Variants in RABGAP1 observed in about 807,000 individuals in gnomAD.
RABGAP1 encodes rab GTPase-activating protein 1.
RABGAP1 carries 23 observed loss-of-function variants against 137.6 expected under a neutral mutation model. That is an observed-to-expected ratio of 0.17 (90% confidence interval 0.12 to 0.24). The LOEUF (loss-of-function observed/expected upper bound fraction) is 0.24. Among genes scored for constraint, RABGAP1 ranks in the 10% least tolerant of loss-of-function variants. RABGAP1 has a pLI of 1.00. For synonymous variants in RABGAP1, 451 were observed against 450.7 expected (o/e 1.00, Z -0.01); for missense variants, 906 against 1,275.8 (o/e 0.71, Z 4.42).
rs562981884 is a variant in RABGAP1, at chr9:123,054,652, C to T, written c.1795-10696C>T. Among the ~76,000 whole-genome samples the T allele has an allele frequency of 9.2e-5, 14 of 152,176 alleles. No homozygotes were observed. In the South Asian group the frequency reaches 2.9e-3, roughly 32 times the overall value. ...TTTATCTAATATCCTTTTTCTGCTC[C>T]AGGATTCCCTCCAGGTGAGTGCACT... On this transcript the variant is annotated intron_variant, in intron 13 of 25. Coordinates refer to ENST00000373647, the MANE Select transcript of RABGAP1 (RefSeq NM_012197.4).
chr9:123,062,042 G>C (rs572287274), intron 13 of RABGAP1: 1 of 152,234 alleles, frequency 6.6e-6, no homozygotes, highest in South Asian at 2.1e-4. Flanking sequence ...AGGTCAAGGC[G>C]TGCGCATCAC....
chr9:122,990,744 G>A (rs1836627666), intron 6 of RABGAP1: 1 of 113,960 alleles, frequency 8.8e-6, no homozygotes, highest in South Asian at 3.0e-4. Flanking sequence ...ACTCCAGCCT[G>A]GGCAACGAGA....
intron 10 of RABGAP1, among the ~76,000 whole-genome samples, chr9:123,001,100 G>T (rs1046613489): frequency 6.6e-6 from 1 of 150,998 alleles, no homozygotes; most frequent in Non-Finnish European, 1.5e-5. Flanking sequence ...CATCTGCCTC[G>T]GCCTCCCAAA....
At chr9:122,998,860 A>T in intron 10 of RABGAP1, 94 bp downstream of exon 10, 1 of 731,280 alleles carries the variant, frequency 1.4e-6, no homozygotes, top group Non-Finnish European at 2.0e-6. Flanking sequence ...TTAAACAGTC[A>T]TGTGTATTTT....
chr9:122,996,348 A>G (rs1447120291), intron 7 of RABGAP1, 191 bp from the exon 8 acceptor site: 1 of 1,180,236 alleles, frequency 8.5e-7, no homozygotes, highest in African/African-American at 1.6e-5. Flanking sequence ...CTCTTCAACT[A>G]TGTGGTAATA....
At chr9:122,944,986 A>G (rs1833859912) in intron 1 of RABGAP1, among the ~76,000 whole-genome samples, 2 of 152,060 alleles carry the variant, frequency 1.3e-5, no homozygotes, top group South Asian at 4.2e-4. Flanking sequence ...CATTTAAGGT[A>G]CGTAAAGCAG....
intron 2 of RABGAP1, among the ~76,000 whole-genome samples, chr9:122,969,883 A>T (rs1835383085): frequency 6.6e-6 from 1 of 152,040 alleles, no homozygotes; most frequent in Non-Finnish European, 1.5e-5. Context: ...CATTTAATAA[A>T]TTCCAAGGCT....
chr9:123,005,543 C>CT (rs2131853247), intron 10 of RABGAP1, among the ~76,000 whole-genome samples: 1 of 152,242 alleles, frequency 6.6e-6, no homozygotes, highest in Non-Finnish European at 1.5e-5. Flanking sequence ...GCTTTTTAAA[C>CT]TTAATATATC....
rs1339900543 is a variant in RABGAP1 at position 123,089,796 on chromosome 9, T to C, written c.2463T>C (p.Tyr821=). ...QKKLKKYEKE[Y]HTMREQQAQQ... is the part of the protein sequence containing the mutation. ...AGTTGAAAAAATACGAGAAAGAATA[T>C]CACACCATGAGGGAACAGCAGGCCC... Residue 821 remains tyrosine, a synonymous_variant, in exon 20 of 26, where the codon TAT becomes TAC. Transcript: ENST00000373647. The C allele has an allele frequency of 1.9e-6, 3 of 1,613,770 alleles. No homozygotes were observed. The Admixed American group carries it at 5.0e-5, about 27-fold the overall frequency.
intron 6 of RABGAP1, among the ~76,000 whole-genome samples, chr9:122,994,377 G>C (rs1420147553): frequency 6.6e-6 from 1 of 152,190 alleles, no homozygotes; most frequent in African/African-American, 2.4e-5. Context: ...ATAGAGACCA[G>C]TGTATCTATT....
chr9:123,097,877 G>A, intron 22 of RABGAP1, 32 bp downstream of exon 22: 1 of 1,578,660 alleles, frequency 6.3e-7, no homozygotes, highest in East Asian at 2.3e-5. Context: ...CCTCTGTCTT[G>A]CAAATGCTTG....
At position 122,980,545 on chromosome 9, in the gene RABGAP1, TCAA is replaced by T. The variant is rs1385553895; in HGVS notation, c.151-3937_151-3935del. On this transcript the variant is annotated intron_variant, in intron 2 of 25. Transcript: ENST00000373647. ...ATGCTTGTTTCTTTTATTGGGAAAA[TCAA>T]CAGTCTTCCAGAAGCTTCCCAGCCA... Among the ~76,000 whole-genome samples, 3 of 152,116 alleles carry T rather than the reference TCAA, an allele frequency of 2.0e-5. No homozygotes were observed. In the East Asian group the frequency reaches 5.8e-4, roughly 29 times the overall value.
chr9:123,091,045 A>G (rs2035018266), intron 21 of RABGAP1, among the ~76,000 whole-genome samples: 1 of 152,248 alleles, frequency 6.6e-6, no homozygotes, highest in Non-Finnish European at 1.5e-5. Context: ...CCTACAGTCT[A>G]CATTGCTACT....
At position 122,958,157 on chromosome 9, in the gene RABGAP1, G is replaced by C. The variant is rs927153857; in HGVS notation, c.150+948G>C. Reference sequence around the variant, plus strand: ...CAGACGGTACTCCAGAGCCGGGCAGGGGTGAGGGCAGCAGTGGCAAACAGT... The same window carrying C: ...CAGACGGTACTCCAGAGCCGGGCAGCGGTGAGGGCAGCAGTGGCAAACAGT... On this transcript the variant is annotated intron_variant, in intron 2 of 25. Transcript: ENST00000373647. Among the ~76,000 whole-genome samples, 64 of 152,238 alleles carry C rather than the reference G, an allele frequency of 4.2e-4. 1 individual carries two copies. Among genetic ancestry groups the C allele is most frequent in the Non-Finnish European group, 8.2e-4 (56 of 68,006 alleles).
chr9:123,043,413 T>TG (rs1449019920), intron 13 of RABGAP1, among the ~76,000 whole-genome samples: 9 of 151,998 alleles, frequency 5.9e-5, no homozygotes, highest in South Asian at 2.1e-4. Flanking sequence ...AGAATTTAGT[T>TG]TTGTGAGATT....
At chr9:123,005,725 C>A (rs143585060) in intron 10 of RABGAP1, among the ~76,000 whole-genome samples, 1 of 152,154 alleles carries the variant, frequency 6.6e-6, no homozygotes, top group East Asian at 1.9e-4. Context: ...AGTGTGGAAT[C>A]TTATGTATGT....
intron 19 of RABGAP1, among the ~76,000 whole-genome samples, chr9:123,087,161 C>T (rs2034892507): frequency 6.6e-6 from 1 of 152,156 alleles, no homozygotes; most frequent in African/African-American, 2.4e-5. Flanking sequence ...AACCCTATTA[C>T]TATGAGGGTG....
intron 13 of RABGAP1, among the ~76,000 whole-genome samples, chr9:123,056,095 T>A (rs1725456977): frequency 6.6e-6 from 1 of 152,172 alleles, no homozygotes; most frequent in Non-Finnish European, 1.5e-5. Context: ...GTTGGTTCCT[T>A]TTGTTAGTAA....
At chr9:123,037,611 C>G (rs892539022) in intron 13 of RABGAP1, among the ~76,000 whole-genome samples, 2 of 152,064 alleles carry the variant, frequency 1.3e-5, no homozygotes, top group African/African-American at 4.8e-5. Flanking sequence ...AGAATGTAAC[C>G]TGTTCACATT....
Sources: allele counts gnomAD v4.1 joint callset (sites outside exome capture counted in the v4.1 genomes callset), GRCh38; gene constraint gnomAD v4.1.1; transcripts MANE v1.5; gene names NCBI Gene and HGNC (gene_info 2026-07-23, HGNC 2026-07-21).